Variants in SPATA6L observed in about 807,000 individuals in gnomAD.
The protein encoded by SPATA6L is spermatogenesis associated 6-like protein.
In SPATA6L, 68 loss-of-function variants were observed where a neutral mutation model predicts 49.2. The observed-to-expected ratio is 1.38, with a 90% CI of 1.14 to 1.69. The LOEUF is 1.69. SPATA6L is among the 40% of genes most tolerant of loss of function. The probability of loss-of-function intolerance (pLI) is 0.00; values close to 1 mark genes in which losing one functional copy is unlikely to be tolerated. For missense variants in SPATA6L, 668 were observed against 464.3 expected, an observed-to-expected ratio of 1.44 and a Z score of -4.03; for synonymous variants, 198 against 165.7, an observed-to-expected ratio of 1.19 and a Z score of -1.50.
Position 4,625,389 on chromosome 9 carries a change from A to G in SPATA6L, c.607T>C (p.Leu203=), listed in dbSNP as rs747094404. 6.2e-6 allele frequency: 10 copies of G among 1,614,140 alleles called. No individual in the cohort carries two copies. The highest frequency in any genetic ancestry group is 2.2e-5 in the East Asian group (1 of 44,884). The change falls in exon 6 of 12, where the codon TTG becomes CTG. Residue 203 remains leucine (L), a synonymous_variant. Transcript: ENST00000682582. ...ATTTTGAAATTATTTCCAAGGTTCA[A>G]CTGAGCTGGCTGGTCCTGGAAGAAA... ...RHFFQDQPAQ[L]NLGNNFKISG... is the part of the protein sequence containing the mutation.
At chr9:4,631,998 C>G (rs988714827) in intron 4 of SPATA6L, among the ~76,000 whole-genome samples, 1 of 150,992 alleles carries the variant, frequency 6.6e-6, no homozygotes, top group African/African-American at 2.4e-5. Context: ...CAACACAGTG[C>G]CTGGTATACA....
intron 9 of SPATA6L, among the ~76,000 whole-genome samples, chr9:4,613,644 C>T (rs779853139): frequency 2.6e-5 from 4 of 151,898 alleles, no homozygotes; most frequent in Non-Finnish European, 4.4e-5. Context: ...AGTGCAGTGG[C>T]GCTACCTCCG....
At chr9:4,665,992 A>C (rs1840795440) in intron 1 of SPATA6L, among the ~76,000 whole-genome samples, 1 of 149,276 alleles carries the variant, frequency 6.7e-6, no homozygotes, top group Admixed American at 6.7e-5. Flanking sequence ...TGTTAGCTTT[A>C]GAACAGAAAA....
chr9:4,621,783 C>G (rs562090525), intron 7 of SPATA6L, among the ~76,000 whole-genome samples: 1 of 152,218 alleles, frequency 6.6e-6, no homozygotes, highest in Non-Finnish European at 1.5e-5. Flanking sequence ...TCACCGTACC[C>G]GGCCGTAGTC....
chr9:4,650,086 T>C (rs1836442294), intron 3 of SPATA6L, among the ~76,000 whole-genome samples: 1 of 152,260 alleles, frequency 6.6e-6, no homozygotes, highest in Non-Finnish European at 1.5e-5. Context: ...CTTGTTGGCT[T>C]CATGAGACAC....
chr9:4,618,056 A>C lies in SPATA6L; in HGVS notation c.862T>G (p.Leu288Val), dbSNP rs781554769. Residue 288 changes from leucine (L) to valine (V), a missense_variant, in exon 9 of 12, where the codon TTA (leucine) becomes GTA (valine). Coordinates refer to ENST00000682582, the MANE Select transcript of SPATA6L (RefSeq NM_001353486.2). ...GACTTTCCAAACTGACTTGAATCTA[A>C]ACATGATGATGAGTCACTCCTTAAA... Reference protein sequence around the residue: ...IVLRSDSSSCLDSSQFGKSSS... With the variant: ...IVLRSDSSSCVDSSQFGKSSS... 1 of 1,613,980 alleles carries C rather than the reference A, an allele frequency of 6.2e-7. No individual in the cohort carries two copies. Among genetic ancestry groups the C allele is most frequent in the Admixed American group, 1.7e-5 (1 of 59,986 alleles).
At chr9:4,643,061 G>A (rs1203645134) in intron 3 of SPATA6L, among the ~76,000 whole-genome samples, 1 of 152,180 alleles carries the variant, frequency 6.6e-6, no homozygotes, top group Non-Finnish European at 1.5e-5. Flanking sequence ...AGGCTGGAGT[G>A]CAGTGGTGCA....
chr9:4,607,170 G>A (rs1208633595), intron 9 of SPATA6L, among the ~76,000 whole-genome samples: 1 of 152,086 alleles, frequency 6.6e-6, no homozygotes, highest in East Asian at 1.9e-4. Flanking sequence ...ACGTCTGATT[G>A]GTATACCTGA....
downstream of SPATA6L, among the ~76,000 whole-genome samples, chr9:4,594,206 GTTTTTGT>G (rs1214040868): frequency 7.2e-5 from 11 of 152,104 alleles, no homozygotes; most frequent in Non-Finnish European, 1.3e-4. Context: ...GGAATTGTGG[GTTTTTGT>G]TTTTTGTTTT....
rs1829555779 is a variant in SPATA6L, at chr9:4,622,499, T to G, written c.681A>C (p.Ala227=). The G allele has an allele frequency of 6.2e-7, 1 of 1,610,892 alleles. No individual in the cohort carries two copies. Residue 227 remains alanine, a synonymous_variant, in exon 7 of 12, where the codon GCA becomes GCC. Coordinates refer to ENST00000682582, the MANE Select transcript of SPATA6L (RefSeq NM_001353486.2). ...CTGAAATATTCTCACCAAAGGGCTTTGCACTGTCCACCTGAAAGTAAAGGA... is the reference window on the plus strand; with the variant it reads ...CTGAAATATTCTCACCAAAGGGCTTGGCACTGTCCACCTGAAAGTAAAGGA... ...PPFVVRHVDS[A]KPFGENISEH...
chr9:4,657,654 C>T (rs552451104), intron 2 of SPATA6L, among the ~76,000 whole-genome samples: 118 of 152,198 alleles, frequency 7.8e-4, no homozygotes, highest in Admixed American at 1.2e-3. Flanking sequence ...CAGAGACCTC[C>T]GCTGCTGCAT....
chr9:4,615,533 G>A (rs1055654337), intron 9 of SPATA6L, among the ~76,000 whole-genome samples: 2 of 152,188 alleles, frequency 1.3e-5, no homozygotes, highest in Non-Finnish European at 2.9e-5. Flanking sequence ...GGAAAGGCTG[G>A]CTGAATGAAT....
At chr9:4,623,307 T>A (rs1829754018) in intron 6 of SPATA6L, among the ~76,000 whole-genome samples, 1 of 151,780 alleles carries the variant, frequency 6.6e-6, no homozygotes, top group South Asian at 2.1e-4. Flanking sequence ...TAAATAATAA[T>A]AATAATAGCA....
chr9:4,601,517 T>G (rs911347689), intron 11 of SPATA6L, among the ~76,000 whole-genome samples: 1 of 152,156 alleles, frequency 6.6e-6, no homozygotes, highest in Non-Finnish European at 1.5e-5. Context: ...TTCAACCCAT[T>G]TCTTCCACCC....
intron 9 of SPATA6L, among the ~76,000 whole-genome samples, chr9:4,607,574 C>G (rs1187247645): frequency 6.6e-6 from 1 of 152,138 alleles, no homozygotes; most frequent in African/African-American, 2.4e-5. Context: ...AAATAAAATA[C>G]TTTACAGACA....
At position 4,661,750 on chromosome 9, in the gene SPATA6L, C is replaced by G. The variant is rs1017585987; in HGVS notation, c.177+149G>C. 1.5e-5 allele frequency: 14 copies of G among 940,064 alleles called. No homozygotes were observed. In the African/African-American group the frequency reaches 2.7e-4, roughly 18 times the overall value. 58.2% of individuals were successfully genotyped at this position (940,064 alleles called of 1,614,324 possible). A position where few individuals can be genotyped will look rare whatever the true frequency, so the allele number is the denominator to read the frequency against. On this transcript the variant is annotated intron_variant, in intron 2 of 11. Coordinates refer to ENST00000682582, the MANE Select transcript of SPATA6L (RefSeq NM_001353486.2). ...GACCTGCATTACAAAAGCAAGTGTT[C>G]CGACTGCGGTTTTGCATTGTGCTGA...
rs1354697231 is a variant in SPATA6L at position 4,608,658 on chromosome 9, A to G, written c.996-3218T>C. 3.0e-3 allele frequency among the ~76,000 whole-genome samples: 444 copies of G among 147,872 alleles called. 2 individuals are homozygous for G. The highest frequency in any genetic ancestry group is 0.011 in the African/African-American group (425 of 38,160). On this transcript the variant is annotated intron_variant, in intron 9 of 11. Coordinates refer to ENST00000682582, the MANE Select transcript of SPATA6L (RefSeq NM_001353486.2). ...TACATTCAAAGCAGTGTGTAGAGGG[A>G]AATTTATAGCACTAAATGCCCACAA...
chr9:4,641,567 C>A (rs902794458), intron 3 of SPATA6L, among the ~76,000 whole-genome samples: 1 of 152,140 alleles, frequency 6.6e-6, no homozygotes, highest in Non-Finnish European at 1.5e-5. Flanking sequence ...AAGAAAAAGT[C>A]TGTACATGTT....
intron 3 of SPATA6L, among the ~76,000 whole-genome samples, chr9:4,643,134 A>G (rs757991531): frequency 4.6e-5 from 7 of 152,076 alleles, no homozygotes; most frequent in African/African-American, 9.7e-5. Flanking sequence ...CAGCCTCCCA[A>G]GTAGCTCGGA....
Sources: allele counts gnomAD v4.1 joint callset (sites outside exome capture counted in the v4.1 genomes callset), GRCh38; gene constraint gnomAD v4.1.1; transcripts MANE v1.5; gene names NCBI Gene and HGNC (gene_info 2026-07-23, HGNC 2026-07-21).